Variants in RAP1GDS1 observed in about 807,000 individuals in gnomAD.
The protein encoded by RAP1GDS1 is RAP1, GTP-GDP dissociation stimulator 1.
In RAP1GDS1, 35 loss-of-function variants were observed where a neutral mutation model predicts 71.1. The observed-to-expected ratio is 0.49, with a 90% CI of 0.38 to 0.65. The LOEUF (loss-of-function observed/expected upper bound fraction) is 0.65. Ranked by LOEUF, RAP1GDS1 falls within the 30% of genes least tolerant of loss-of-function variation. The pLI is 0.00. For synonymous variants in RAP1GDS1, 229 were observed against 243.1 expected, an observed-to-expected ratio of 0.94 and a Z score of 0.54; for missense variants, 663 against 706.1, an observed-to-expected ratio of 0.94 and a Z score of 0.69.
intron 5 of RAP1GDS1, among the ~76,000 whole-genome samples, chr4:98,389,562 T>G (rs964705150): frequency 6.6e-6 from 1 of 152,150 alleles, no homozygotes; most frequent in Admixed American, 6.6e-5. Context: ...CCTGGGTAGT[T>G]AGACACATTT....
chr4:98,288,294 T>A (rs993197772), intron 1 of RAP1GDS1, among the ~76,000 whole-genome samples: 1 of 152,178 alleles, frequency 6.6e-6, no homozygotes, highest in African/African-American at 2.4e-5. Flanking sequence ...TGGTTTTTTG[T>A]CCTTGCCATA....
intron 6 of RAP1GDS1, among the ~76,000 whole-genome samples, chr4:98,397,636 GAACT>G (rs1390963699): frequency 1.3e-5 from 2 of 152,252 alleles, no homozygotes; most frequent in East Asian, 1.9e-4. Flanking sequence ...AAGAAACCAA[GAACT>G]AACCAGTTTG....
rs144869740 is a variant in RAP1GDS1 at position 98,285,040 on chromosome 4, C to T, written c.5-8368C>T. ...TCTTGAATGTGCCCTTTGTGATTCC[C>T]GATTCATAGAATCTATGAGCGTAAT... On this transcript the variant is annotated intron_variant, in intron 1 of 14. Coordinates refer to ENST00000408927, the MANE Select transcript of RAP1GDS1 (RefSeq NM_001100427.2). Among the ~76,000 whole-genome samples the T allele has an allele frequency of 1.9e-3, 296 of 152,148 alleles. 1 individual carries two copies. Among genetic ancestry groups the T allele is most frequent in the African/African-American group, 6.7e-3 (276 of 41,492 alleles).
intron 1 of RAP1GDS1, 22 bp from the exon 2 acceptor site, chr4:98,293,386 A>G: frequency 1.7e-6 from 2 of 1,171,414 alleles, no homozygotes; most frequent in Non-Finnish European, 2.3e-6. Context: ...TGAGTTTCTG[A>G]TTTTTTTTTT....
At position 98,343,076 on chromosome 4, in the gene RAP1GDS1, TA is replaced by T. The variant is rs1411808845; in HGVS notation, c.113-61del. The T allele has an allele frequency of 9.2e-5, 135 of 1,474,250 alleles. 1 individual carries two copies. Among genetic ancestry groups the T allele is most frequent in the South Asian group, 5.2e-4 (39 of 74,612 alleles). 91.3% of individuals were successfully genotyped at this position (1,474,250 alleles called of 1,614,324 possible). A position where few individuals can be genotyped will look rare whatever the true frequency, so the allele number is the denominator to read the frequency against. On this transcript the variant is annotated intron_variant, in intron 2 of 14. Coordinates refer to ENST00000408927, the MANE Select transcript of RAP1GDS1 (RefSeq NM_001100427.2). ...AAATTCTTGAAGAATTTATTGTAGA[TA>T]ATGGTTGTCAGTGTTAGCATTAAAG...
At chr4:98,395,869 C>T (rs921823829) in intron 6 of RAP1GDS1, 3 of 152,116 alleles carry the variant, frequency 2.0e-5, no homozygotes, top group African/African-American at 7.2e-5. Context: ...TCCATTTGCA[C>T]TACCATAAAG....
At chr4:98,290,657 T>C (rs949252105) in intron 1 of RAP1GDS1, among the ~76,000 whole-genome samples, 1 of 152,102 alleles carries the variant, frequency 6.6e-6, no homozygotes, top group Admixed American at 6.6e-5. Context: ...AAGGTTTTAG[T>C]GGGAAAGTAT....
intron 2 of RAP1GDS1, among the ~76,000 whole-genome samples, chr4:98,341,139 C>G (rs1735450617): frequency 6.6e-6 from 1 of 152,012 alleles, no homozygotes; most frequent in South Asian, 2.1e-4. Context: ...ATGGTAGTTC[C>G]CAGACGTTTA....
intron 6 of RAP1GDS1, among the ~76,000 whole-genome samples, chr4:98,402,657 G>C (rs1745601394): frequency 6.6e-6 from 1 of 152,130 alleles, no homozygotes; most frequent in Admixed American, 6.5e-5. Flanking sequence ...ATTAATGTGT[G>C]TCTCTCCTGT....
chr4:98,361,059 G>A (rs1363186975), intron 4 of RAP1GDS1, among the ~76,000 whole-genome samples: 2 of 148,776 alleles, frequency 1.3e-5, no homozygotes, highest in South Asian at 2.1e-4. Context: ...CCTAGGTGAC[G>A]GAGTGAGACT....
At chr4:98,266,843 T>C (rs1410779975) in intron 1 of RAP1GDS1, among the ~76,000 whole-genome samples, 1 of 152,190 alleles carries the variant, frequency 6.6e-6, no homozygotes, top group African/African-American at 2.4e-5. Context: ...TAGTGGAATC[T>C]TGGAATTTCT....
At chr4:98,378,607 A>G (rs984850941) in intron 4 of RAP1GDS1, among the ~76,000 whole-genome samples, 3 of 151,844 alleles carry the variant, frequency 2.0e-5, no homozygotes, top group African/African-American at 7.3e-5. Flanking sequence ...CCAATGACAA[A>G]AAGTTATATT....
chr4:98,439,437 G>A (rs186296199), intron 14 of RAP1GDS1, among the ~76,000 whole-genome samples: 86 of 152,308 alleles, frequency 5.6e-4, no homozygotes, highest in African/African-American at 1.9e-3. Flanking sequence ...TCAGCTTCTT[G>A]AATTGATAGG....
chr4:98,379,126 C>CT lies in RAP1GDS1; in HGVS notation c.475dup (p.Cys159LeufsTer8). 6.2e-7 allele frequency: 1 copy of CT among 1,608,666 alleles called. No individual in the cohort carries two copies. Among genetic ancestry groups the CT allele is most frequent in the Non-Finnish European group, 8.5e-7 (1 of 1,177,528 alleles). On this transcript the variant is annotated frameshift_variant, in exon 5 of 15. Coordinates refer to ENST00000408927, the MANE Select transcript of RAP1GDS1 (RefSeq NM_001100427.2). LOFTEE classifies it high-confidence loss of function. Reference sequence around the variant, plus strand: ...CCGCCAATGAGAAGCTCTTGACTGTCTTTTGTGGCATGCTGATGAACTATA... The same window carrying CT: ...CCGCCAATGAGAAGCTCTTGACTGTCTTTTTGTGGCATGCTGATGAACTATA...
At chr4:98,268,456 A>T (rs1374948022) in intron 1 of RAP1GDS1, among the ~76,000 whole-genome samples, 5 of 152,168 alleles carry the variant, frequency 3.3e-5, no homozygotes, top group Non-Finnish European at 5.9e-5. Context: ...TAGTACTAGA[A>T]GTCCTAGCAG....
At chr4:98,433,866 G>C (rs12507118) in intron 12 of RAP1GDS1, 70 bp from the exon 13 acceptor site, 90,013 of 1,441,338 alleles carry the variant, frequency 0.062, 3,356 homozygotes, top group Admixed American at 0.18. Context: ...ACAATGAGTT[G>C]ACTGATTTTA....
chr4:98,311,451 G>A (rs1730210825), intron 2 of RAP1GDS1, among the ~76,000 whole-genome samples: 1 of 152,132 alleles, frequency 6.6e-6, no homozygotes, highest in South Asian at 2.1e-4. Context: ...CAAGACAACA[G>A]AATTTACTTA....
At chr4:98,412,864 G>A (rs1352089919) in intron 7 of RAP1GDS1, among the ~76,000 whole-genome samples, 1 of 152,134 alleles carries the variant, frequency 6.6e-6, no homozygotes, top group African/African-American at 2.4e-5. Flanking sequence ...TGTACAGGGA[G>A]TAGGTCACAA....
intron 6 of RAP1GDS1, among the ~76,000 whole-genome samples, chr4:98,395,263 T>G (rs1017435078): frequency 6.6e-6 from 1 of 152,188 alleles, no homozygotes; most frequent in Admixed American, 6.6e-5. Context: ...CTCACAAGTT[T>G]AATTAAAACA....
Sources: gnomAD v4.1 joint callset for allele counts (sites outside exome capture counted in the v4.1 genomes callset) on GRCh38, gnomAD v4.1.1 for gene constraint, MANE v1.5 for transcripts, NCBI Gene and HGNC (gene_info 2026-07-23, HGNC 2026-07-21) for gene names.